PPP4R4: variants seen among roughly 807,000 people sequenced by gnomAD.
PPP4R4 encodes protein phosphatase 4 regulatory subunit 4.
In PPP4R4, 70 loss-of-function variants were observed where a neutral mutation model predicts 121.8. The ratio of observed to expected loss-of-function variants is 0.57; its 90% CI spans 0.47 to 0.70. PPP4R4 has a LOEUF of 0.70. Ranked by LOEUF, PPP4R4 falls within the 30% of genes least tolerant of loss-of-function variation. The pLI is 0.00. For synonymous variants in PPP4R4, 348 were observed against 355.7 expected, an observed-to-expected ratio of 0.98 and a Z score of 0.24; for missense variants, 875 against 1,033.6, an observed-to-expected ratio of 0.85 and a Z score of 2.10.
At chr14:94,227,734 G>A (rs1203250325) in intron 3 of PPP4R4, 3 of 1,005,574 alleles carry the variant, frequency 3.0e-6, no homozygotes, top group Admixed American at 1.2e-4. Flanking sequence ...TGCATCTCTT[G>A]GAAGTTAACA....
chr14:94,198,148 C>A (rs1251409079), intron 2 of PPP4R4, among the ~76,000 whole-genome samples: 2 of 151,984 alleles, frequency 1.3e-5, no homozygotes, highest in African/African-American at 4.8e-5. Context: ...TTTTATATTC[C>A]ATCAGTAGTA....
At chr14:94,207,929 C>A (rs1438130925) in intron 2 of PPP4R4, among the ~76,000 whole-genome samples, 1 of 151,758 alleles carries the variant, frequency 6.6e-6, no homozygotes, top group Non-Finnish European at 1.5e-5. Context: ...CCCTGCTGAT[C>A]TTTAAGAGTA....
intron 8 of PPP4R4, among the ~76,000 whole-genome samples, chr14:94,239,189 T>C (rs1275352177): frequency 3.4e-5 from 5 of 146,666 alleles, no homozygotes; most frequent in Admixed American, 6.6e-5. Flanking sequence ...GCCAACTCCT[T>C]CTGCTTCTTT....
chr14:94,219,819 A>G (rs528771371), intron 3 of PPP4R4, among the ~76,000 whole-genome samples: 5 of 152,342 alleles, frequency 3.3e-5, no homozygotes, highest in Non-Finnish European at 4.4e-5. Flanking sequence ...AATCTTAGCC[A>G]GGTGTGATGA....
chr14:94,187,435 C>T (rs1046446219), intron 2 of PPP4R4, among the ~76,000 whole-genome samples: 1 of 152,106 alleles, frequency 6.6e-6, no homozygotes, highest in African/African-American at 2.4e-5. Context: ...TTTTAAATTT[C>T]AGAATAATTT....
intron 2 of PPP4R4, 98 bp downstream of exon 2, chr14:94,176,225 A>G (rs1247574298): frequency 9.9e-7 from 1 of 1,007,294 alleles, no homozygotes; most frequent in African/African-American, 1.6e-5. Context: ...GTTCAGATTT[A>G]CTTAGCCACT....
chr14:94,241,088 G>T (rs1407193837), intron 9 of PPP4R4, among the ~76,000 whole-genome samples: 2 of 151,950 alleles, frequency 1.3e-5, no homozygotes, highest in East Asian at 3.9e-4. Flanking sequence ...AGAAGCTCAG[G>T]CTTATTAACT....
chr14:94,207,964 T>G (rs574734892), intron 2 of PPP4R4, among the ~76,000 whole-genome samples: 8 of 151,924 alleles, frequency 5.3e-5, no homozygotes, highest in African/African-American at 1.9e-4. Flanking sequence ...AAGAAGTTTC[T>G]GACATGGAGT....
intron 2 of PPP4R4, among the ~76,000 whole-genome samples, chr14:94,195,742 C>T (rs1052500647): frequency 6.6e-6 from 1 of 152,024 alleles, no homozygotes; most frequent in Non-Finnish European, 1.5e-5. Flanking sequence ...TGGTTGAGAA[C>T]CACTAGCTAA....
chr14:94,186,497 T>G (rs1595450394), intron 2 of PPP4R4, among the ~76,000 whole-genome samples: 1 of 152,244 alleles, frequency 6.6e-6, no homozygotes, highest in East Asian at 1.9e-4. Flanking sequence ...GTTTATCCAT[T>G]CATCAGTTGA....
At chr14:94,190,580 G>A (rs1244821164) in intron 2 of PPP4R4, among the ~76,000 whole-genome samples, 1 of 152,058 alleles carries the variant, frequency 6.6e-6, no homozygotes. Context: ...AAGCCTGGGC[G>A]ATGCAGGGAG....
At chr14:94,223,415 G>T (rs1359643813) in intron 3 of PPP4R4, among the ~76,000 whole-genome samples, 1 of 152,132 alleles carries the variant, frequency 6.6e-6, no homozygotes, top group East Asian at 1.9e-4. Flanking sequence ...ATTTGAAGCT[G>T]GGCTGTCCTC....
intron 2 of PPP4R4, among the ~76,000 whole-genome samples, chr14:94,192,076 A>G (rs1889632910): frequency 6.6e-6 from 1 of 152,162 alleles, no homozygotes; most frequent in Admixed American, 6.5e-5. Context: ...TGCCTTGTAT[A>G]GCACATAGTA....
chr14:94,256,037 A>G (rs1184841678), intron 16 of PPP4R4, among the ~76,000 whole-genome samples: 1 of 151,970 alleles, frequency 6.6e-6, no homozygotes, highest in Non-Finnish European at 1.5e-5. Context: ...CTCATTCCCT[A>G]ATTTTCTTTA....
chr14:94,241,649 GT>G, intron 9 of PPP4R4, 138 bp from the exon 10 acceptor site: 1 of 639,674 alleles, frequency 1.6e-6, no homozygotes, highest in Non-Finnish European at 2.6e-6. Flanking sequence ...CTCTTTTCAT[GT>G]TCCTTTTATT....
intron 2 of PPP4R4, among the ~76,000 whole-genome samples, chr14:94,190,195 T>G (rs187845264): frequency 1.6e-4 from 24 of 152,280 alleles, no homozygotes; most frequent in Non-Finnish European, 3.2e-4. Flanking sequence ...GTTTGTTTAT[T>G]TTTAATAACT....
intron 17 of PPP4R4, among the ~76,000 whole-genome samples, chr14:94,258,425 A>T (rs1347408805): frequency 6.6e-6 from 1 of 152,224 alleles, no homozygotes; most frequent in Non-Finnish European, 1.5e-5. Context: ...TATATAGCTA[A>T]AAGACTTTTT....
chr14:94,222,395 C>T (rs916235606), intron 3 of PPP4R4, among the ~76,000 whole-genome samples: 62 of 151,664 alleles, frequency 4.1e-4, no homozygotes, highest in African/African-American at 1.5e-3. Flanking sequence ...TATTTTTACC[C>T]TTTTCCTAGA....
At chr14:94,242,786 G>T (rs971761637) in intron 11 of PPP4R4, among the ~76,000 whole-genome samples, 2 of 152,136 alleles carry the variant, frequency 1.3e-5, no homozygotes, top group Non-Finnish European at 2.9e-5. Context: ...AGAAAATTGA[G>T]ACACATTAAT....
Sources: gnomAD v4.1 joint callset for allele counts (sites outside exome capture counted in the v4.1 genomes callset) on GRCh38, gnomAD v4.1.1 for gene constraint, MANE v1.5 for transcripts, NCBI Gene and HGNC (gene_info 2026-07-23, HGNC 2026-07-21) for gene names.